Variants in GPR39 observed in about 807,000 individuals in gnomAD.
The protein encoded by GPR39 is G protein-coupled receptor 39.
In GPR39, 23 loss-of-function variants were observed where a neutral mutation model predicts 18.4. That is an observed-to-expected ratio of 1.25 (90% CI 0.90 to 1.77). The LOEUF (loss-of-function observed/expected upper bound fraction) is 1.77, where lower values mean the gene tolerates loss of function less well. Ranked by LOEUF, GPR39 falls within the 40% of genes most tolerant of loss-of-function variation. The probability of loss-of-function intolerance (pLI) is 0.00; values close to 1 mark genes in which losing one functional copy is unlikely to be tolerated. For missense variants in GPR39, 647 were observed against 602.4 expected (o/e 1.07, Z -0.78); for synonymous variants, 280 against 257.9 (o/e 1.09, Z -0.82).
chr2:132,578,744 G>A (rs1301718394), intron 1 of GPR39, among the ~76,000 whole-genome samples: 1 of 152,038 alleles, frequency 6.6e-6, no homozygotes, highest in Non-Finnish European at 1.5e-5. Context: ...GTAATTTAAA[G>A]TACATCTATT....
intron 1 of GPR39, among the ~76,000 whole-genome samples, chr2:132,439,232 C>G (rs774344836): frequency 1.3e-5 from 2 of 152,146 alleles, no homozygotes; most frequent in African/African-American, 2.4e-5. Flanking sequence ...TTTTAAAGAT[C>G]AAGAGAAAAC....
intron 1 of GPR39, among the ~76,000 whole-genome samples, chr2:132,536,926 T>C (rs1212943674): frequency 6.6e-6 from 1 of 152,174 alleles, no homozygotes; most frequent in East Asian, 1.9e-4. Flanking sequence ...GCTTGGTAAA[T>C]TTTCCTCCAT....
chr2:132,639,335 AG>A (rs1681819707), intron 1 of GPR39, among the ~76,000 whole-genome samples: 1 of 152,124 alleles, frequency 6.6e-6, no homozygotes, highest in Admixed American at 6.5e-5. Context: ...AGGATTAGAG[AG>A]AAATTGAAAA....
rs1443883975 is a variant in GPR39, at chr2:132,607,787, C to T, written c.857-37314C>T. 4.6e-5 allele frequency among the ~76,000 whole-genome samples: 7 copies of T among 152,176 alleles called. No individual in the cohort carries two copies. The East Asian group carries it at 9.6e-4, about 21-fold the overall frequency. On this transcript the variant is annotated intron_variant, in intron 1 of 1. Coordinates refer to ENST00000329321, the MANE Select transcript of GPR39 (RefSeq NM_001508.3). ...CTGCAAAAACTCTTTCAATATGGCA[C>T]GTATTAAACCTTTCAGAGGTAGCGC...
chr2:132,597,076 G>A (rs139673427), intron 1 of GPR39, among the ~76,000 whole-genome samples: 1 of 152,310 alleles, frequency 6.6e-6, no homozygotes, highest in African/African-American at 2.4e-5. Flanking sequence ...CAAAAATGAA[G>A]GAGAGGTGAG....
At chr2:132,529,789 G>A (rs1679578935) in intron 1 of GPR39, among the ~76,000 whole-genome samples, 2 of 152,136 alleles carry the variant, frequency 1.3e-5, no homozygotes, top group Non-Finnish European at 2.9e-5. Context: ...TGCAGCTGAG[G>A]GTCCTGACTG....
intron 1 of GPR39, among the ~76,000 whole-genome samples, chr2:132,578,872 T>A (rs1309949405): frequency 1.3e-5 from 2 of 152,126 alleles, no homozygotes; most frequent in Non-Finnish European, 2.9e-5. Flanking sequence ...GTCCTCACTA[T>A]TTCTTTGTTC....
intron 1 of GPR39, among the ~76,000 whole-genome samples, chr2:132,446,496 G>A (rs1203315120): frequency 6.6e-6 from 1 of 152,190 alleles, no homozygotes; most frequent in Non-Finnish European, 1.5e-5. Context: ...CTAGGTGCTG[G>A]ACATGTAGGA....
At chr2:132,559,569 C>G (rs1049995040) in intron 1 of GPR39, among the ~76,000 whole-genome samples, 1 of 151,992 alleles carries the variant, frequency 6.6e-6, no homozygotes, top group African/African-American at 2.4e-5. Flanking sequence ...GATGGAAGCA[C>G]GCTCAGGGCA....
chr2:132,435,257 T>G (rs1396523603), intron 1 of GPR39, among the ~76,000 whole-genome samples: 2 of 152,142 alleles, frequency 1.3e-5, no homozygotes, highest in African/African-American at 4.8e-5. Context: ...CTTCACCCCT[T>G]CTGCCTCTGC....
At chr2:132,441,707 T>C (rs143637533) in intron 1 of GPR39, among the ~76,000 whole-genome samples, 1 of 152,356 alleles carries the variant, frequency 6.6e-6, no homozygotes, top group African/African-American at 2.4e-5. Flanking sequence ...AGGAAAGCAA[T>C]AGTTTAAACT....
Position 132,645,592 on chromosome 2 carries a change from G to A in GPR39, c.1348G>A (p.Glu450Lys). Residue 450 changes from glutamate (E) to lysine (K), a missense_variant, in exon 2 of 2, where the codon GAG becomes AAG. Physicochemically the swap from Glu to Lys is moderately conservative, Grantham distance 56 (BLOSUM62 1). Around this residue, in one of 3 missense-constraint regions of GPR39, gnomAD observed 581 missense variants for 506.8 expected, o/e 1.15. Transcript: ENST00000329321. ...TTCTGCTGCAGAGAATGGTTTTCAG[G>A]AGCATGAAGTTTGAATGTCAAGCGA... Reference protein sequence around the residue: ...ANSAAENGFQEHEV With the variant: ...ANSAAENGFQKHEV 1 of 1,611,288 alleles carries A rather than the reference G, an allele frequency of 6.2e-7. No individual in the cohort carries two copies. The highest frequency in any genetic ancestry group is 8.5e-7 in the Non-Finnish European group (1 of 1,178,802).
At chr2:132,633,335 C>A (rs1411772275) in intron 1 of GPR39, among the ~76,000 whole-genome samples, 1 of 118,628 alleles carries the variant, frequency 8.4e-6, no homozygotes, top group Admixed American at 9.4e-5. Flanking sequence ...ACTCCAAATA[C>A]CTCTGTGTGT....
chr2:132,425,092 A>C (rs1301476942), intron 1 of GPR39, among the ~76,000 whole-genome samples: 1 of 152,136 alleles, frequency 6.6e-6, no homozygotes, highest in African/African-American at 2.4e-5. Context: ...CTTCAACGAC[A>C]ATCTCCAGCT....
Position 132,483,607 on chromosome 2 carries a change from G to T in GPR39, c.856+65709G>T, listed in dbSNP as rs1047769247. ...CAGAGCCTGGTAACAGGCTGGTCTT[G>T]TCTCTCAAAAGAATATCTAACCTTA... On this transcript the variant is annotated intron_variant, in intron 1 of 1. Coordinates refer to ENST00000329321, the MANE Select transcript of GPR39 (RefSeq NM_001508.3). Among the ~76,000 whole-genome samples the T allele has an allele frequency of 4.6e-5, 7 of 152,204 alleles. 1 individual carries two copies. The highest frequency in any genetic ancestry group is 1.7e-4 in the African/African-American group (7 of 41,458).
At chr2:132,585,361 T>G (rs1050573499) in intron 1 of GPR39, among the ~76,000 whole-genome samples, 1 of 151,852 alleles carries the variant, frequency 6.6e-6, no homozygotes, top group Non-Finnish European at 1.5e-5. Flanking sequence ...TGGAGAAGAG[T>G]CACCTCCTGC....
rs567543314 is a variant in GPR39, at chr2:132,533,907, A to T, written c.857-111194A>T. On this transcript the variant is annotated intron_variant, in intron 1 of 1. Transcript: ENST00000329321. ...AAAAACCCTAGAAGAAAACCTACGA[A>T]ATACCATTCAGGACATAGGCATGGG... 3.3e-5 allele frequency among the ~76,000 whole-genome samples: 5 copies of T among 152,356 alleles called. No homozygotes were observed. In the South Asian group the frequency reaches 6.2e-4, roughly 19 times the overall value.
chr2:132,485,997 C>T (rs1317869417), intron 1 of GPR39, among the ~76,000 whole-genome samples: 1 of 152,134 alleles, frequency 6.6e-6, no homozygotes, highest in African/African-American at 2.4e-5. Flanking sequence ...TAATTAGACT[C>T]AAAAGTTGAA....
chr2:132,434,853 G>T (rs1680284451), intron 1 of GPR39, among the ~76,000 whole-genome samples: 1 of 152,126 alleles, frequency 6.6e-6, no homozygotes, highest in Admixed American at 6.6e-5. Context: ...GGGGGTGAAG[G>T]GTTTCAAGAT....
Sources: allele counts gnomAD v4.1 joint callset (sites outside exome capture counted in the v4.1 genomes callset), GRCh38; gene constraint gnomAD v4.1.1; regional missense constraint gnomAD v4.1.1; transcripts MANE v1.5; gene names NCBI Gene and HGNC (gene_info 2026-07-23, HGNC 2026-07-21).